CBFA2T3: variants seen among roughly 807,000 people sequenced by gnomAD.
The protein encoded by CBFA2T3 is transcriptional corepressor CBFA2T3.
Under a neutral mutation model 58.6 loss-of-function variants are expected in CBFA2T3, and 31 were observed. That is an observed-to-expected ratio of 0.53 (90% CI 0.40 to 0.71). CBFA2T3 has a LOEUF of 0.71. CBFA2T3 is among the 30% of genes least tolerant of loss of function. CBFA2T3 has a pLI of 0.00. For missense variants in CBFA2T3, 1,076 were observed against 963.1 expected (o/e 1.12, Z -1.55); for synonymous variants, 531 against 421.9 (o/e 1.26, Z -3.17).
intron 10 of CBFA2T3, chr16:88,879,721 T>C (rs1968989841): frequency 4.2e-6 from 2 of 474,542 alleles, no homozygotes; most frequent in Non-Finnish European, 7.6e-6. Flanking sequence ...CCCAGGCATG[T>C]GTGTGCAAAG....
At chr16:88,906,054 C>T (rs763702329) in intron 1 of CBFA2T3, among the ~76,000 whole-genome samples, 21 of 151,992 alleles carry the variant, frequency 1.4e-4, no homozygotes, top group Non-Finnish European at 2.2e-4. Flanking sequence ...GAGATGAGGC[C>T]GTGCGCAGCA....
intron 1 of CBFA2T3, among the ~76,000 whole-genome samples, chr16:88,931,186 G>T (rs1308447650): frequency 6.6e-6 from 1 of 152,048 alleles, no homozygotes; most frequent in Non-Finnish European, 1.5e-5. Flanking sequence ...GAGGGGCTCA[G>T]CCTCCCTCCC....
At chr16:88,909,788 AG>A (rs1406521771) in intron 1 of CBFA2T3, among the ~76,000 whole-genome samples, 2 of 152,126 alleles carry the variant, frequency 1.3e-5, no homozygotes, top group Non-Finnish European at 2.9e-5. Context: ...AGGTCATCTG[AG>A]GTCACTGGCC....
intron 1 of CBFA2T3, among the ~76,000 whole-genome samples, chr16:88,927,448 G>A (rs1337141507): frequency 2.6e-5 from 4 of 152,204 alleles, no homozygotes. Flanking sequence ...TCCTGCCGGG[G>A]TGGAGGAGGG....
chr16:88,885,131 C>T lies in CBFA2T3; in HGVS notation c.1032G>A (p.Leu344=), dbSNP rs772349219. 3 of 1,601,260 alleles carry T rather than the reference C, an allele frequency of 1.9e-6. No homozygotes were observed. The highest frequency in any genetic ancestry group is 1.3e-5 in the African/African-American group (1 of 74,736). The change falls in exon 7 of 12, where the codon CTG becomes CTA. Residue 344 remains leucine (L), a synonymous_variant. Coordinates refer to ENST00000268679, the MANE Select transcript of CBFA2T3 (RefSeq NM_005187.6). The surrounding 1 kb of genome is among the most constrained non-coding windows in gnomAD (Gnocchi z 5.3). ...AGTGGTGGGCCATGGCTATGTCCTC[C>T]AGGCGGTAGTGCGGCGGCGGTGTGG... ...PQPTPPPHYR[L]EDIAMAHHFR...
intron 1 of CBFA2T3, among the ~76,000 whole-genome samples, chr16:88,948,082 G>C (rs1326162638): frequency 6.6e-6 from 1 of 152,168 alleles, no homozygotes; most frequent in East Asian, 1.9e-4. Flanking sequence ...TAATGTGAAA[G>C]CCAGAGAATC....
chr16:88,930,717 TG>T (rs1188618455), intron 1 of CBFA2T3, among the ~76,000 whole-genome samples: 1 of 34,668 alleles, frequency 2.9e-5, no homozygotes, highest in African/African-American at 9.2e-5. Context: ...GACTGGGGGC[TG>T]GGGGTGGAGG....
intron 3 of CBFA2T3, among the ~76,000 whole-genome samples, chr16:88,893,707 T>C (rs987343018): frequency 5.9e-5 from 9 of 152,204 alleles, no homozygotes; most frequent in Non-Finnish European, 1.0e-4. Context: ...GGCCCTGCTA[T>C]TGGGGTCAGT....
chr16:88,876,718 G>T lies in CBFA2T3; in HGVS notation c.*258C>A. On this transcript the variant is annotated 3_prime_UTR_variant, in exon 12 of 12. Transcript: ENST00000268679. The stretch of plus-strand genomic sequence containing the variant: ...TCAGTCGAGGCTTCTGAGGATGCTT[G>T]AAGAGACGTTGTCAGGAGGTCTCCG... The T allele has an allele frequency of 2.3e-6, 1 of 443,174 alleles. No individual in the cohort carries two copies. Among genetic ancestry groups the T allele is most frequent in the Non-Finnish European group, 3.9e-6 (1 of 253,456 alleles). 27.5% of individuals were successfully genotyped at this position (443,174 alleles called of 1,614,324 possible). A position where few individuals can be genotyped will look rare whatever the true frequency, so the allele number is the denominator to read the frequency against.
intron 1 of CBFA2T3, among the ~76,000 whole-genome samples, chr16:88,903,463 C>A (rs1002826978): frequency 1.3e-5 from 2 of 152,166 alleles, no homozygotes; most frequent in Non-Finnish European, 2.9e-5. Flanking sequence ...TCCGCACAGC[C>A]GCTGACCTCC....
At position 88,961,930 on chromosome 16, in the gene CBFA2T3, C is replaced by G. The variant is rs1001159014; in HGVS notation, c.151+14727G>C. On this transcript the variant is annotated intron_variant, in intron 1 of 11. Transcript: ENST00000268679. ...ACCCTCAGTGCTGGGCATTCCCACTCCATAGTAACCGACACTCAGCGCTGG... is the reference window on the plus strand; with the variant it reads ...ACCCTCAGTGCTGGGCATTCCCACTGCATAGTAACCGACACTCAGCGCTGG... 2.1e-4 allele frequency among the ~76,000 whole-genome samples: 31 copies of G among 144,414 alleles called. No homozygotes were observed. The East Asian group carries it at 4.8e-3, about 22-fold the overall frequency. The allele number at this position is 144,414 out of a possible 152,430, so 94.7% of individuals were successfully genotyped here. A position where few individuals can be genotyped will look rare whatever the true frequency, so the allele number is the denominator to read the frequency against.
chr16:88,881,879 C>G (rs908676318), intron 8 of CBFA2T3, among the ~76,000 whole-genome samples: 4 of 152,228 alleles, frequency 2.6e-5, no homozygotes, highest in Non-Finnish European at 5.9e-5. Context: ...CCTGGCGACC[C>G]CTCCTGGGAC....
intron 9 of CBFA2T3, 80 bp downstream of exon 9, chr16:88,881,211 T>A: frequency 7.9e-7 from 1 of 1,272,484 alleles, no homozygotes. Flanking sequence ...TTTCGTTGCA[T>A]TGCCTGCCTG....
At chr16:88,941,678 G>A (rs1443887725) in intron 1 of CBFA2T3, 5 of 148,698 alleles carry the variant, frequency 3.4e-5, no homozygotes, top group Admixed American at 6.7e-5. Context: ...CGAAGAGGTT[G>A]AGGGGTGCGG....
In CBFA2T3 at chr16:88,875,215, G is replaced by A. The variant is rs543191265; in HGVS notation, c.*1761C>T. 532 of 233,740 alleles carry A rather than the reference G, an allele frequency of 2.3e-3. No homozygotes were observed. Among genetic ancestry groups the A allele is most frequent in the Non-Finnish European group, 3.5e-3 (417 of 118,268 alleles). 14.5% of individuals were successfully genotyped at this position (233,740 alleles called of 1,614,324 possible). A position where few individuals can be genotyped will look rare whatever the true frequency, so the allele number is the denominator to read the frequency against. On this transcript the variant is annotated 3_prime_UTR_variant, in exon 12 of 12. Transcript: ENST00000268679. ...TGCCAAGCCACGGGCCACGCCACAC[G>A]CACAGATGCCAGGCTGCGGGCCGTG...
At position 88,877,067 on chromosome 16, in the gene CBFA2T3, C is replaced by A. The variant is rs1436124771; in HGVS notation, c.1871G>T (p.Gly624Val). ...GCCGGCTTCGCTGGGGCTGGCAGCA[C>A]CCACAGGCAGGGAGGGGCCCAGGCT... ...AHSLGPSLPV[G>V]AASPSEAGSA... Residue 624 changes from glycine (G) to valine (V), a missense_variant, in exon 12 of 12, where the codon GGT (glycine) becomes GTT (valine). Physicochemically the swap from Gly to Val is moderately radical, Grantham distance 109. Coordinates refer to ENST00000268679, the MANE Select transcript of CBFA2T3 (RefSeq NM_005187.6). 1 of 1,529,710 alleles carries A rather than the reference C, an allele frequency of 6.5e-7. No individual in the cohort carries two copies. Among genetic ancestry groups the A allele is most frequent in the Non-Finnish European group, 8.8e-7 (1 of 1,136,208 alleles). The allele number at this position is 1,529,710 out of a possible 1,614,324, so 94.8% of individuals were successfully genotyped here.
chr16:88,916,486 G>A (rs1290971570), intron 1 of CBFA2T3, among the ~76,000 whole-genome samples: 4 of 152,160 alleles, frequency 2.6e-5, no homozygotes, highest in African/African-American at 9.7e-5. Flanking sequence ...GTATTCCTGT[G>A]TGTATTCGTG....
intron 1 of CBFA2T3, among the ~76,000 whole-genome samples, chr16:88,905,926 C>A (rs1324687604): frequency 6.7e-6 from 1 of 149,936 alleles, no homozygotes; most frequent in Non-Finnish European, 1.5e-5. Context: ...GCTGGCTGGG[C>A]AGGGAGGCAC....
At chr16:88,946,685 G>A (rs551497227) in intron 1 of CBFA2T3, among the ~76,000 whole-genome samples, 163 of 152,250 alleles carry the variant, frequency 1.1e-3, no homozygotes, top group Non-Finnish European at 2.0e-3. Context: ...GTTTCACCAT[G>A]TTGGCCAGGC....
Sources: allele counts gnomAD v4.1 joint callset (sites outside exome capture counted in the v4.1 genomes callset), GRCh38; gene constraint gnomAD v4.1.1; non-coding constraint Gnocchi (gnomAD v3.1); transcripts MANE v1.5; gene names NCBI Gene and HGNC (gene_info 2026-07-23, HGNC 2026-07-21).